NOP14: variants seen among roughly 807,000 people sequenced by gnomAD.
NOP14 encodes NOP14 nucleolar protein.
A neutral mutation model predicts 101.6 loss-of-function variants in NOP14; 57 were observed. That is an observed-to-expected ratio of 0.56 (90% confidence interval 0.45 to 0.70). The LOEUF is 0.70. Ranked by LOEUF, NOP14 falls within the 30% of genes least tolerant of loss-of-function variation. NOP14 has a pLI of 0.00. For missense variants in NOP14, 1,134 were observed against 1,075.5 expected, an observed-to-expected ratio of 1.05 and a Z score of -0.76; for synonymous variants, 428 against 424.0, an observed-to-expected ratio of 1.01 and a Z score of -0.12.
chr4:2,953,667 C>G, intron 4 of NOP14, 22 bp from the exon 5 acceptor site: 1 of 1,613,846 alleles, frequency 6.2e-7, no homozygotes, highest in South Asian at 1.1e-5. Flanking sequence ...ATAACAGACA[C>G]ACACCACATA....
chr4:2,962,661 T>A (rs2488813), intron 1 of NOP14, among the ~76,000 whole-genome samples: 43,074 of 147,630 alleles, frequency 0.29, 6,326 homozygotes, highest in Non-Finnish European at 0.33. Context: ...AGTGAAAATT[T>A]AAAAAAAAAA....
At chr4:2,947,373 C>G (rs1714729037) in intron 10 of NOP14, 153 bp downstream of exon 10, 1 of 630,892 alleles carries the variant, frequency 1.6e-6, no homozygotes, top group African/African-American at 1.8e-5. Context: ...CTGTGAGGCT[C>G]ACAAGCCCTG....
rs760393148 is a variant in NOP14, at chr4:2,945,092, G to T, written c.1737+36C>A. On this transcript the variant is annotated intron_variant, in intron 12 of 17. Transcript: ENST00000416614. ...TGTGGCTCCGGCCACCCGTGGTGCA[G>T]CAGGCCGACCCCTGCCGCATGTGGA... 1.4e-5 allele frequency: 21 copies of T among 1,467,390 alleles called. 1 individual carries two copies. The African/African-American group carries it at 1.7e-4, about 12-fold the overall frequency. 90.9% of individuals were successfully genotyped at this position (1,467,390 alleles called of 1,614,324 possible). A position where few individuals can be genotyped will look rare whatever the true frequency, so the allele number is the denominator to read the frequency against.
chr4:2,963,024 C>A, intron 1 of NOP14, 101 bp downstream of exon 1: 1 of 1,234,392 alleles, frequency 8.1e-7, no homozygotes, highest in Non-Finnish European at 1.1e-6. Context: ...CGGCCTGTGC[C>A]GCTCAACGAG....
At chr4:2,953,702 G>C in intron 4 of NOP14, 57 bp from the exon 5 acceptor site, 1 of 1,597,682 alleles carries the variant, frequency 6.3e-7, no homozygotes, top group Middle Eastern at 1.7e-4. Flanking sequence ...CTTCAACCCA[G>C]AGGCCCAATG....
chr4:2,938,987 G>GC, intron 17 of NOP14, 57 bp from the exon 18 acceptor site: 2 of 1,531,732 alleles, frequency 1.3e-6, no homozygotes, highest in Non-Finnish European at 1.8e-6. Context: ...AGAGCATCTT[G>GC]CCCTCTCTCT....
In NOP14 at chr4:2,952,404, T is replaced by C; in HGVS notation, c.748-7A>G. The C allele has an allele frequency of 6.4e-7, 1 of 1,572,574 alleles. No individual in the cohort carries two copies. Among genetic ancestry groups the C allele is most frequent in the South Asian group, 1.2e-5 (1 of 80,920 alleles). On this transcript the variant is annotated splice_region_variant and splice_polypyrimidine_tract_variant and intron_variant, in intron 5 of 17. Transcript: ENST00000416614. Reference sequence around the variant, plus strand: ...TCATGTCATATGCATCGGGCTAAGGTAGAAAGAAGAAATTCTTCATTTTAA... The same window carrying C: ...TCATGTCATATGCATCGGGCTAAGGCAGAAAGAAGAAATTCTTCATTTTAA...
At chr4:2,963,049 G>A (rs2109326374) in intron 1 of NOP14, 76 bp downstream of exon 1, 6 of 1,412,404 alleles carry the variant, frequency 4.2e-6, no homozygotes, top group Non-Finnish European at 5.6e-6. Flanking sequence ...CCGACGCACC[G>A]AGAAGGACGC....
chr4:2,944,144 C>T lies in NOP14; in HGVS notation c.1820G>A (p.Arg607Lys), dbSNP rs751269302. The change falls in exon 13 of 18, where the codon AGG becomes AAG. Residue 607 changes from arginine (R) to lysine (K), a missense_variant. By Grantham distance (26) the Arg-to-Lys change is conservative (BLOSUM62 2). Coordinates refer to ENST00000416614, the MANE Select transcript of NOP14 (RefSeq NM_001291978.2). ...LFLEYVALSQ[R>K]FIPELINFLL... is the part of the protein sequence containing the mutation. ...AAAATTAATAAGCTCAGGTATAAAC[C>T]TCTGGGACAAAGCCACATACTCCAG... 1.2e-6 allele frequency: 2 copies of T among 1,614,006 alleles called. No homozygotes were observed. Among genetic ancestry groups the T allele is most frequent in the South Asian group, 2.2e-5 (2 of 91,072 alleles).
At chr4:2,946,969 A>G (rs1184664441) in intron 10 of NOP14, 2 of 228,474 alleles carry the variant, frequency 8.8e-6, no homozygotes, top group African/African-American at 4.7e-5. Context: ...CATGGATCCG[A>G]AGCCAACACA....
rs752632477 is a variant in NOP14, at chr4:2,947,555, T to C, written c.1470A>G (p.Pro490=). 2 of 1,614,066 alleles carry C rather than the reference T, an allele frequency of 1.2e-6. No individual in the cohort carries two copies. The highest frequency in any genetic ancestry group is 8.5e-7 in the Non-Finnish European group (1 of 1,179,908). ...CCAACTTATCAATGACTGTGAGGTC[T>C]GGTGGGTCATCTGTAGCCAAATCGC... The part of the protein sequence containing the change: ...YVGDLATDDP[P]DLTVIDKLVV... The change falls in exon 10 of 18, where the codon CCA becomes CCG. Residue 490 remains proline (P), a synonymous_variant. Coordinates refer to ENST00000416614, the MANE Select transcript of NOP14 (RefSeq NM_001291978.2).
intron 9 of NOP14, among the ~76,000 whole-genome samples, chr4:2,948,038 T>A (rs1253462072): frequency 2.6e-5 from 4 of 152,188 alleles, no homozygotes; most frequent in Non-Finnish European, 4.4e-5. Flanking sequence ...AAGGTGAAGG[T>A]CCCCATGCCT....
intron 5 of NOP14, 135 bp from the exon 6 acceptor site, chr4:2,952,532 G>A (rs889053188): frequency 4.7e-5 from 35 of 750,258 alleles, no homozygotes; most frequent in South Asian, 2.1e-4. Context: ...CCACATCTAC[G>A]TCTTTTCTTC....
In NOP14 at chr4:2,941,675, G is replaced by A. The variant is rs373168363; in HGVS notation, c.2106C>T (p.Tyr702=). Residue 702 remains tyrosine, a synonymous_variant, in exon 15 of 18, where the codon TAC becomes TAT. Coordinates refer to ENST00000416614, the MANE Select transcript of NOP14 (RefSeq NM_001291978.2). ...TGGCGTGGAAGGATGGCAGGGACCC[G>A]TACATGAGCACGCAGCGCTTCAGCA... ...LALLKRCVLM[Y]GSLPSFHAIM... 2.0e-5 allele frequency: 32 copies of A among 1,613,248 alleles called. 2 individuals carry two copies. Among genetic ancestry groups the A allele is most frequent in the South Asian group, 1.3e-4 (12 of 90,790 alleles).
intron 1 of NOP14, among the ~76,000 whole-genome samples, chr4:2,959,440 A>C (rs2109314802): frequency 6.6e-6 from 1 of 152,166 alleles, no homozygotes; most frequent in South Asian, 2.1e-4. Context: ...AAAATACAAA[A>C]AAATTAGCCG....
At chr4:2,962,139 T>C (rs1401779386) in intron 1 of NOP14, among the ~76,000 whole-genome samples, 4 of 152,226 alleles carry the variant, frequency 2.6e-5, no homozygotes, top group African/African-American at 9.6e-5. Flanking sequence ...GTGCTCTATG[T>C]GCTATCTTAC....
At chr4:2,939,066 G>T in intron 17 of NOP14, 122 bp downstream of exon 17, 2 of 1,517,122 alleles carry the variant, frequency 1.3e-6, no homozygotes, top group Non-Finnish European at 1.8e-6. Context: ...AACCTGCCTG[G>T]CTCCAACCCC....
intron 1 of NOP14, 104 bp downstream of exon 1, chr4:2,963,021 T>C: frequency 8.3e-7 from 1 of 1,204,574 alleles, no homozygotes; most frequent in Non-Finnish European, 1.1e-6. Flanking sequence ...TCACGGCCTG[T>C]GCCGCTCAAC....
chr4:2,942,242 G>T lies in NOP14; in HGVS notation c.2001C>A (p.Arg667=). 6.2e-7 allele frequency: 1 copy of T among 1,614,182 alleles called. No individual in the cohort carries two copies. Among genetic ancestry groups the T allele is most frequent in the Non-Finnish European group, 8.5e-7 (1 of 1,180,024 alleles). The change falls in exon 14 of 18, where the codon CGC becomes CGA. Residue 667 remains arginine (R), a synonymous_variant. Coordinates refer to ENST00000416614, the MANE Select transcript of NOP14 (RefSeq NM_001291978.2). ...ATWQQSSLSL[R]WASRLRAPTS... The stretch of plus-strand genomic sequence containing the variant: ...TTGGGGCCCTCAGTCTACTCGCCCA[G>T]CGGAGGGAGAGGCTGCTCTGCTGCC...
Sources: gnomAD v4.1 joint callset for allele counts (sites outside exome capture counted in the v4.1 genomes callset) on GRCh38, gnomAD v4.1.1 for gene constraint, MANE v1.5 for transcripts, NCBI Gene and HGNC (gene_info 2026-07-23, HGNC 2026-07-21) for gene names.